TUSC7: variants seen among roughly 807,000 people sequenced by gnomAD.
TUSC7 encodes tumor suppressor candidate 7, also known as LSAMP antisense RNA 3.
At chr3:116,712,650 G>C (rs1333626055) in intron 1 of TUSC7, 1 of 152,158 alleles carries the variant, frequency 6.6e-6, no homozygotes, top group African/African-American at 2.4e-5. Flanking sequence ...AACACCAAGG[G>C]AAGAGAGGGA....
intron 1 of TUSC7, chr3:116,710,530 G>A (rs2051454561): frequency 6.6e-6 from 1 of 152,018 alleles, no homozygotes; most frequent in Admixed American, 6.6e-5. Context: ...AGTCTCAGCT[G>A]GGACTAGAAT....
At chr3:116,716,874 AC>A (rs1488096489) in intron 1 of TUSC7, 1 of 152,118 alleles carries the variant, frequency 6.6e-6, no homozygotes, top group Non-Finnish European at 1.5e-5. Context: ...GTTTTGCAAA[AC>A]AGCTTTAATC....
At chr3:116,716,429 C>A (rs1179327174) in intron 1 of TUSC7, 2 of 152,042 alleles carry the variant, frequency 1.3e-5, no homozygotes, top group Non-Finnish European at 2.9e-5. Flanking sequence ...AAACATGAGG[C>A]CTATTTCTCT....
chr3:116,715,536 T>C (rs996406495), intron 1 of TUSC7, among the ~76,000 whole-genome samples: 1 of 152,188 alleles, frequency 6.6e-6, no homozygotes, highest in Non-Finnish European at 1.5e-5. Flanking sequence ...TGTGTAGTGG[T>C]ATCTCATTGT....
chr3:116,712,068 C>T (rs1327955318), intron 1 of TUSC7, among the ~76,000 whole-genome samples: 7 of 152,120 alleles, frequency 4.6e-5, no homozygotes, highest in Non-Finnish European at 1.0e-4. Context: ...TTCCTGTCTG[C>T]TTTCATACTA....
chr3:116,712,769 T>C (rs937261749), intron 1 of TUSC7: 2 of 151,398 alleles, frequency 1.3e-5, no homozygotes, highest in East Asian at 2.1e-4. Context: ...ATTGTAAATT[T>C]TGATAAATAA....
At chr3:116,712,866 G>A (rs1269645442) in intron 1 of TUSC7, 3 of 152,144 alleles carry the variant, frequency 2.0e-5, no homozygotes, top group African/African-American at 7.2e-5. Context: ...TGGTAAGTGA[G>A]AGAATAAATA....
At chr3:116,715,313 A>G (rs2051496304) in intron 1 of TUSC7, among the ~76,000 whole-genome samples, 1 of 152,192 alleles carries the variant, frequency 6.6e-6, no homozygotes, top group Admixed American at 6.5e-5. Flanking sequence ...TTGTGTGGAT[A>G]TGCTTATTAT....
intron 1 of TUSC7, among the ~76,000 whole-genome samples, chr3:116,712,119 T>C (rs1336507983): frequency 6.6e-6 from 1 of 152,210 alleles, no homozygotes; most frequent in African/African-American, 2.4e-5. Flanking sequence ...ATATTGTTCA[T>C]AGTTTACAAT....
chr3:116,711,896 T>C (rs2051466106), intron 1 of TUSC7, among the ~76,000 whole-genome samples: 1 of 152,166 alleles, frequency 6.6e-6, no homozygotes, highest in Non-Finnish European at 1.5e-5. Context: ...AACCTAAACC[T>C]AAATCTTGAA....
At chr3:116,713,252 T>A (rs1158922581) in intron 1 of TUSC7, among the ~76,000 whole-genome samples, 2 of 152,324 alleles carry the variant, frequency 1.3e-5, no homozygotes, top group East Asian at 3.9e-4. Context: ...GATGACCCAG[T>A]GAGAAAAACA....
chr3:116,716,083 C>T (rs896628440), intron 1 of TUSC7: 2 of 152,138 alleles, frequency 1.3e-5, no homozygotes, highest in Admixed American at 1.3e-4. Flanking sequence ...ATCATCAATG[C>T]TTTTACAAAG....
chr3:116,709,793 A>G (rs1302986881), exon 1 of TUSC7: 1 of 152,156 alleles, frequency 6.6e-6, no homozygotes, highest in African/African-American at 2.4e-5. Flanking sequence ...CACAAGGGGT[A>G]CCAAAGTCCA....
At chr3:116,712,084 A>C (rs2051467392) in intron 1 of TUSC7, among the ~76,000 whole-genome samples, 2 of 152,316 alleles carry the variant, frequency 1.3e-5, no homozygotes, top group South Asian at 4.1e-4. Flanking sequence ...TACTAAATAA[A>C]ATAACTAAAA....
intron 1 of TUSC7, chr3:116,712,824 G>A (rs1300213614): frequency 6.6e-6 from 1 of 152,056 alleles, no homozygotes; most frequent in Non-Finnish European, 1.5e-5. Context: ...ATGCTTTTAG[G>A]TTACAATCAG....
At position 116,715,362 on chromosome 3, in the gene TUSC7, G is replaced by C. The variant is rs576427174; in HGVS notation, n.99-2399G>C. Among the ~76,000 whole-genome samples, 94 of 152,278 alleles carry C rather than the reference G, an allele frequency of 6.2e-4. No individual in the cohort carries two copies. The Middle Eastern group carries it at 0.01, about 17-fold the overall frequency. Reference sequence around the variant, plus strand: ...TAGCAAGGAGCATAATTGATGGATAGTATGTAAGATTACATTTAGTTTTGT... The same window carrying C: ...TAGCAAGGAGCATAATTGATGGATACTATGTAAGATTACATTTAGTTTTGT... On this transcript the variant is annotated intron_variant and non_coding_transcript_variant, in intron 1 of 2. Transcript: ENST00000477805.
chr3:116,715,278 G>T (rs964260204), intron 1 of TUSC7, among the ~76,000 whole-genome samples: 4 of 152,134 alleles, frequency 2.6e-5, no homozygotes, highest in African/African-American at 9.7e-5. Context: ...GAATGAAGCT[G>T]CTATAAACAT....
chr3:116,711,515 C>G (rs973822847), intron 1 of TUSC7, among the ~76,000 whole-genome samples: 1 of 152,054 alleles, frequency 6.6e-6, no homozygotes, highest in Non-Finnish European at 1.5e-5. Flanking sequence ...TTTTAAGATA[C>G]TTGCAGCTTT....
intron 1 of TUSC7, among the ~76,000 whole-genome samples, chr3:116,711,683 T>C (rs1049478778): frequency 6.6e-6 from 1 of 152,158 alleles, no homozygotes; most frequent in Non-Finnish European, 1.5e-5. Context: ...ATGAGTACAG[T>C]CAAACTTTAA....
Sources: gnomAD v4.1 joint callset for allele counts (sites outside exome capture counted in the v4.1 genomes callset) on GRCh38, gnomAD v4.1.1 for gene constraint, MANE v1.5 for transcripts, NCBI Gene and HGNC (gene_info 2026-07-23, HGNC 2026-07-21) for gene names.